Variants in HCFC1 observed in about 807,000 individuals in gnomAD.
HCFC1 encodes host cell factor C1, also known as host cell factor 1.
A neutral mutation model predicts 105.5 loss-of-function variants in HCFC1; 7 were observed. The ratio of observed to expected loss-of-function variants is 0.07; its 90% CI spans 0.04 to 0.12. The LOEUF (loss-of-function observed/expected upper bound fraction) is 0.12, where lower values mean the gene tolerates loss of function less well. Among genes scored for constraint, HCFC1 ranks in the 10% least tolerant of loss-of-function variants. HCFC1 has a pLI of 1.00. For missense variants in HCFC1, 1,065 were observed against 1,823.6 expected, an observed-to-expected ratio of 0.58 and a Z score of 7.58; for synonymous variants, 918 against 828.1, an observed-to-expected ratio of 1.11 and a Z score of -1.86.
chrX:153,968,884 G>A (rs1225035400), intron 1 of HCFC1, among the ~76,000 whole-genome samples: 1 of 112,291 alleles, frequency 8.9e-6, no homozygotes, highest in African/African-American at 3.2e-5. Flanking sequence ...CACTGGAGAA[G>A]CCTTAGCTTA....
chrX:153,962,787 C>G (rs2065441408), intron 4 of HCFC1, among the ~76,000 whole-genome samples: 1 of 111,436 alleles, frequency 9.0e-6, no homozygotes, highest in Admixed American at 9.5e-5. Context: ...TCTTTCCCAG[C>G]CACTCCTGAT....
rs781954703 is a variant in HCFC1 at position 153,953,649 on chromosome X, G to C, written c.4455C>G (p.Thr1485=). Residue 1485 remains threonine, a synonymous_variant, in exon 18 of 26, where the codon ACC becomes ACG. Transcript: ENST00000310441. The stretch of plus-strand genomic sequence containing the variant: ...GGACCGGTGTGGACTGCGTCACGGT[G>C]GTCACAGCCCGCGTCAGTGTGGAGG... ...TVSSTLTRAV[T]TVTQSTPVPG... 13 of 1,211,035 alleles carry C rather than the reference G, an allele frequency of 1.1e-5. No individual in the cohort carries two copies. The East Asian group carries it at 3.8e-4, about 36-fold the overall frequency.
At chrX:153,952,267 C>T (rs892811614) in intron 19 of HCFC1, 109 bp from the exon 20 acceptor site, 7 of 1,056,405 alleles carry the variant, frequency 6.6e-6, no homozygotes, top group African/African-American at 1.9e-5. Context: ...CACCTCCTAC[C>T]GTGCTCCACT....
chrX:153,963,183 C>A (rs782546739), intron 4 of HCFC1, 42 bp downstream of exon 4: 10 of 1,085,651 alleles, frequency 9.2e-6, no homozygotes, highest in Non-Finnish European at 1.1e-5. Context: ...GAGGCAGACC[C>A]GCTTTGTCCC....
In HCFC1 at chrX:153,958,608, G is replaced by C. The variant is rs1557115828; in HGVS notation, c.1764C>G (p.Thr588=). The C allele has an allele frequency of 1.7e-6, 2 of 1,207,492 alleles. No individual in the cohort carries two copies. Among genetic ancestry groups the C allele is most frequent in the East Asian group, 3.0e-5 (1 of 33,688 alleles). The stretch of plus-strand genomic sequence containing the variant: ...AGGCCACCTTCACAGTGGCTGGGAG[G>C]GTGGTAGTGCCAGGTGTCACAGCCA... ...KTMAVTPGTT[T]LPATVKVASS... is the part of the protein sequence containing the mutation. Residue 588 remains threonine (T), a synonymous_variant, in exon 10 of 26, where the codon ACC becomes ACG. Coordinates refer to ENST00000310441, the MANE Select transcript of HCFC1 (RefSeq NM_005334.3).
intron 1 of HCFC1, among the ~76,000 whole-genome samples, chrX:153,965,306 G>C (rs1470165785): frequency 1.8e-5 from 2 of 111,619 alleles, no homozygotes; most frequent in East Asian, 2.8e-4. Flanking sequence ...TGGTACTCCA[G>C]AACATTCTTG....
In HCFC1 at chrX:153,957,396, G is replaced by A. The variant is rs2065388423; in HGVS notation, c.2271C>T (p.Ser757=). Reference sequence around the variant, plus strand: ...TCGTGCCGGGCTTGGTGGTACTGGGGGAGACGCTGCTGATGCCCAGGATGG... The same window carrying A: ...TCGTGCCGGGCTTGGTGGTACTGGGAGAGACGCTGCTGATGCCCAGGATGG... ...KPTILGISSV[S]PSTTKPGTTT... The change falls in exon 13 of 26, where the codon TCC becomes TCT. Residue 757 remains serine (S), a synonymous_variant. Coordinates refer to ENST00000310441, the MANE Select transcript of HCFC1 (RefSeq NM_005334.3). The A allele has an allele frequency of 9.1e-6, 11 of 1,210,049 alleles. No homozygotes were observed. The South Asian group carries it at 1.9e-4, about 21-fold the overall frequency.
At chrX:153,967,619 G>A (rs996623092) in intron 1 of HCFC1, among the ~76,000 whole-genome samples, 34 of 112,280 alleles carry the variant, frequency 3.0e-4, no homozygotes, top group Admixed American at 9.4e-5. Context: ...CCCCTCCCAC[G>A]ATGAGACAAA....
At chrX:153,953,926 C>T in intron 17 of HCFC1, 140 bp downstream of exon 17, 1 of 881,385 alleles carries the variant, frequency 1.1e-6, no homozygotes, top group Non-Finnish European at 1.6e-6. Flanking sequence ...AGCCAGGACG[C>T]CCCAGCTCTC....
In HCFC1 at chrX:153,970,936, A is replaced by C; in HGVS notation, c.-96T>G. The C allele has an allele frequency of 1.0e-4, 79 of 754,547 alleles. No homozygotes were observed. The highest frequency in any genetic ancestry group is 1.4e-4 in the Non-Finnish European group (74 of 534,611). 62.2% of individuals were successfully genotyped at this position (754,547 alleles called of 1,213,427 possible). On this transcript the variant is annotated 5_prime_UTR_variant, in exon 1 of 26. Coordinates refer to ENST00000310441, the MANE Select transcript of HCFC1 (RefSeq NM_005334.3). Reference sequence around the variant, plus strand: ...CCCCCTTTCGTCTAAGGCAGCTCTCACGGAGAAGCGGTTTCTCACACAGCG... The same window carrying C: ...CCCCCTTTCGTCTAAGGCAGCTCTCCCGGAGAAGCGGTTTCTCACACAGCG...
intron 9 of HCFC1, among the ~76,000 whole-genome samples, 191 bp from the exon 10 acceptor site, chrX:153,958,957 AT>A (rs1203893610): frequency 8.9e-6 from 1 of 112,260 alleles, no homozygotes; most frequent in African/African-American, 3.2e-5. Context: ...ACCACCCACC[AT>A]GCACGGCAAC....
At position 153,971,127 on chromosome X, in the gene HCFC1, G is replaced by A. The variant is rs1201587627; in HGVS notation, c.-287C>T. 3.2e-5 allele frequency: 11 copies of A among 345,249 alleles called. No homozygotes were observed. In the East Asian group the frequency reaches 5.2e-4, roughly 16 times the overall value. 28.5% of individuals were successfully genotyped at this position (345,249 alleles called of 1,213,427 possible). On this transcript the variant is annotated 5_prime_UTR_variant, in exon 1 of 26. Transcript: ENST00000310441. ...CCCGTCGCCCCGACTACTTGTCCGG[G>A]CGCTCCCGCTTACAAGCTCGGGCGG...
intron 1 of HCFC1, among the ~76,000 whole-genome samples, chrX:153,965,724 G>T (rs1282044688): frequency 8.8e-6 from 1 of 113,173 alleles, no homozygotes; most frequent in African/African-American, 3.2e-5. Flanking sequence ...ACGTGACAGG[G>T]CATGGGGGGA....
At chrX:153,953,079 T>A in intron 18 of HCFC1, 121 bp from the exon 19 acceptor site, 1 of 580,342 alleles carries the variant, frequency 1.7e-6, no homozygotes, top group Non-Finnish European at 2.9e-6. Context: ...TCTCAGTCAT[T>A]GATGAGATCT....
chrX:153,951,548 C>G, intron 21 of HCFC1, 41 bp downstream of exon 21: 4 of 1,207,064 alleles, frequency 3.3e-6, no homozygotes, highest in Non-Finnish European at 4.5e-6. Context: ...AGTGCTGCCC[C>G]CCAGGCCACG....
chrX:153,953,496 A>G (rs2065335528), intron 18 of HCFC1, 111 bp downstream of exon 18: 1 of 798,782 alleles, frequency 1.3e-6, no homozygotes. Flanking sequence ...CGGAAAAGGG[A>G]CCAGGAGCGG....
In HCFC1 at chrX:153,952,878, G is replaced by C; in HGVS notation, c.4578C>G (p.Ala1526=). 1.7e-6 allele frequency: 2 copies of C among 1,183,278 alleles called. No homozygotes were observed. The highest frequency in any genetic ancestry group is 2.3e-6 in the Non-Finnish European group (2 of 882,266). Reference sequence around the variant, plus strand: ...GGACCTCGGCGGACTCCCCCATCAGGGCTGTGGAAGCCGACTGCAGAAGCT... The same window carrying C: ...GGACCTCGGCGGACTCCCCCATCAGCGCTGTGGAAGCCGACTGCAGAAGCT... ...PRQLLQSAST[A]LMGESAEVLS... is the part of the protein sequence containing the mutation. The change falls in exon 19 of 26, where the codon GCC becomes GCG. Residue 1526 remains alanine, a synonymous_variant. Coordinates refer to ENST00000310441, the MANE Select transcript of HCFC1 (RefSeq NM_005334.3).
chrX:153,958,623 T>G lies in HCFC1; in HGVS notation c.1749A>C (p.Thr583=). 1 of 1,208,680 alleles carries G rather than the reference T, an allele frequency of 8.3e-7. No individual in the cohort carries two copies. Residue 583 remains threonine, a synonymous_variant, in exon 10 of 26, where the codon ACA becomes ACC. Transcript: ENST00000310441. ...GTTIVKTMAV[T]PGTTTLPATV... is the part of the protein sequence containing the mutation. The stretch of plus-strand genomic sequence containing the variant: ...TGGCTGGGAGGGTGGTAGTGCCAGG[T>G]GTCACAGCCATGGTCTTCACGATGG...
At position 153,959,818 on chromosome X, in the gene HCFC1, G is replaced by A. The variant is rs782186278; in HGVS notation, c.1428C>T (p.Thr476=). ...CTGGCTCACCTTGAGTCCTGGCTGC[G>A]GTGGGCACAGAAATGGAGCTGCCAG... The part of the protein sequence containing the change: ...TVPGSSISVP[T]AARTQGVPAV... Residue 476 remains threonine (T), a synonymous_variant, in exon 8 of 26, where the codon ACC becomes ACT. Transcript: ENST00000310441. 4.3e-6 allele frequency: 5 copies of A among 1,170,582 alleles called. No homozygotes were observed. Among genetic ancestry groups the A allele is most frequent in the Admixed American group, 2.4e-5 (1 of 41,998 alleles).
Sources: gnomAD v4.1 joint callset for allele counts (sites outside exome capture counted in the v4.1 genomes callset) on GRCh38, gnomAD v4.1.1 for gene constraint, MANE v1.5 for transcripts, NCBI Gene and HGNC (gene_info 2026-07-23, HGNC 2026-07-21) for gene names.